Variants in IMPA1 observed in about 807,000 individuals in gnomAD.
IMPA1 encodes D-galactose 1-phosphate phosphatase.
In IMPA1, 21 loss-of-function variants were observed where a neutral mutation model predicts 34.9. The ratio of observed to expected loss-of-function variants is 0.60; its 90% confidence interval spans 0.43 to 0.87. The LOEUF is 0.87. Ranked by LOEUF, IMPA1 falls within the 40% of genes least tolerant of loss-of-function variation. The pLI is 0.00. For synonymous variants in IMPA1, 95 were observed against 104.4 expected (o/e 0.91, Z 0.55); for missense variants, 299 against 336.4 (o/e 0.89, Z 0.87).
chr8:81,678,166 A>G (rs1326057697), intron 4 of IMPA1, among the ~76,000 whole-genome samples: 1 of 151,530 alleles, frequency 6.6e-6, no homozygotes. Flanking sequence ...CCTAACACCC[A>G]TGCAATTTTT....
At position 81,677,488 on chromosome 8, in the gene IMPA1, A is replaced by G. The variant is rs1223022747; in HGVS notation, c.303-1209T>C. Among the ~76,000 whole-genome samples the G allele has an allele frequency of 2.6e-5, 4 of 152,322 alleles. No individual in the cohort carries two copies. The East Asian group carries it at 7.7e-4, about 29-fold the overall frequency. On this transcript the variant is annotated intron_variant, in intron 4 of 8. Transcript: ENST00000256108. ...TGTTACTTGTCTCTACTCCAACAGC[A>G]AACTTTAGGCTTGGCCTCTGAAAAG... is the stretch of plus-strand genomic sequence containing the variant.
At position 81,676,872 on chromosome 8, in the gene IMPA1, A is replaced by G. The variant is rs571907084; in HGVS notation, c.303-593T>C. Among the ~76,000 whole-genome samples, 502 of 152,160 alleles carry G rather than the reference A, an allele frequency of 3.3e-3. 1 individual carries two copies. Among genetic ancestry groups the G allele is most frequent in the Non-Finnish European group, 6.1e-3 (413 of 67,990 alleles). On this transcript the variant is annotated intron_variant, in intron 4 of 8. Coordinates refer to ENST00000256108, the MANE Select transcript of IMPA1 (RefSeq NM_005536.4). ...TCTGAGTGTGGCGGTGCACGCCTAT[A>G]GTCCAAGCTTCCCCGGTAGGCTGAG... is the stretch of plus-strand genomic sequence containing the variant.
chr8:81,665,350 GA>G, intron 7 of IMPA1, among the ~76,000 whole-genome samples: 1 of 152,076 alleles, frequency 6.6e-6, no homozygotes, highest in East Asian at 1.9e-4. Context: ...AAATGGGGGG[GA>G]AATAAAAGAC....
At chr8:81,683,582 C>T (rs1265138335) in intron 1 of IMPA1, among the ~76,000 whole-genome samples, 1 of 151,672 alleles carries the variant, frequency 6.6e-6, no homozygotes. Flanking sequence ...CAGGGAGCAA[C>T]AAAAAAAGAG....
At position 81,685,989 on chromosome 8, in the gene IMPA1, G is replaced by C. The variant is rs1178345460; in HGVS notation, c.-25+263C>G. On this transcript the variant is annotated intron_variant, in intron 1 of 8. Transcript: ENST00000256108. ...CTTTTCGGAGTTGGGGACATAAAAAGGGGCAATTATTCCACAGAAGCCGCC... is the reference window on the plus strand; with the variant it reads ...CTTTTCGGAGTTGGGGACATAAAAACGGGCAATTATTCCACAGAAGCCGCC... 2.1e-6 allele frequency: 3 copies of C among 1,448,348 alleles called. No individual in the cohort carries two copies. The African/African-American group carries it at 4.4e-5, about 21-fold the overall frequency. The allele number at this position is 1,448,348 out of a possible 1,614,324, so 89.7% of individuals were successfully genotyped here.
intron 7 of IMPA1, among the ~76,000 whole-genome samples, chr8:81,669,235 G>T (rs79019827): frequency 6.6e-6 from 1 of 152,186 alleles, no homozygotes; most frequent in East Asian, 1.9e-4. Context: ...CTAGGGTAAT[G>T]CCTAACTAGT....
At chr8:81,660,160 T>TTAAGAAAGTTTACAA (rs1806624301) in intron 8 of IMPA1, among the ~76,000 whole-genome samples, 1 of 152,182 alleles carries the variant, frequency 6.6e-6, no homozygotes, top group Non-Finnish European at 1.5e-5. Context: ...TCATTATGTT[T>TTAAGAAAGTTTACAA]TAAGAAAGTT....
At chr8:81,685,983 TA>T in intron 1 of IMPA1, 2 of 1,455,138 alleles carry the variant, frequency 1.4e-6, no homozygotes, top group Non-Finnish European at 1.8e-6. Context: ...GTTGGGGACA[TA>T]AAAAGGGGCA....
chr8:81,673,098 A>T (rs1049758717), intron 6 of IMPA1, among the ~76,000 whole-genome samples: 1 of 152,202 alleles, frequency 6.6e-6, no homozygotes, highest in African/African-American at 2.4e-5. Context: ...GCCCACAAGG[A>T]AATTCCTTGT....
intron 3 of IMPA1, 49 bp downstream of exon 3, chr8:81,680,601 A>G (rs373208715): frequency 2.6e-5 from 37 of 1,429,534 alleles, no homozygotes; most frequent in Admixed American, 1.1e-4. Context: ...CAGAACCCCA[A>G]GAAATGGTGA....
intron 6 of IMPA1, among the ~76,000 whole-genome samples, chr8:81,672,535 G>A (rs1489336371): frequency 6.6e-6 from 1 of 152,142 alleles, no homozygotes; most frequent in Non-Finnish European, 1.5e-5. Flanking sequence ...AAACAAATGA[G>A]AATTCCTGAG....
In IMPA1 at chr8:81,664,734, G is replaced by A. The variant is rs116659557; in HGVS notation, c.567-4067C>T. Among the ~76,000 whole-genome samples, 475 of 152,062 alleles carry A rather than the reference G, an allele frequency of 3.1e-3. 5 individuals carry two copies. Among genetic ancestry groups the A allele is most frequent in the African/African-American group, 0.011 (453 of 41,456 alleles). ...AGGAACTAAGGGGTGCGGGGACGGGGGAGGGATAGCATTAGGAGATATACC... is the reference window on the plus strand; with the variant it reads ...AGGAACTAAGGGGTGCGGGGACGGGAGAGGGATAGCATTAGGAGATATACC... On this transcript the variant is annotated intron_variant, in intron 7 of 8. Coordinates refer to ENST00000256108, the MANE Select transcript of IMPA1 (RefSeq NM_005536.4).
At chr8:81,667,278 T>C (rs374708512) in intron 7 of IMPA1, among the ~76,000 whole-genome samples, 1 of 152,160 alleles carries the variant, frequency 6.6e-6, no homozygotes, top group Admixed American at 6.5e-5. Context: ...TTTCAGAAAG[T>C]AGAACTGTTA....
intron 6 of IMPA1, among the ~76,000 whole-genome samples, chr8:81,672,487 A>C (rs916590418): frequency 5.9e-5 from 9 of 152,210 alleles, no homozygotes; most frequent in African/African-American, 2.2e-4. Flanking sequence ...CTATAATTCA[A>C]CAGTGTATAG....
At chr8:81,676,422 A>G (rs1200087095) in intron 4 of IMPA1, 143 bp from the exon 5 acceptor site, 5 of 469,976 alleles carry the variant, frequency 1.1e-5, no homozygotes, top group Non-Finnish European at 1.9e-5. Flanking sequence ...CTAAGATGCA[A>G]AACAGTTTGT....
At chr8:81,672,604 C>G (rs1317041674) in intron 6 of IMPA1, among the ~76,000 whole-genome samples, 1 of 152,214 alleles carries the variant, frequency 6.6e-6, no homozygotes. Flanking sequence ...AAAACCTGAG[C>G]CTCTGCTAAG....
intron 4 of IMPA1, among the ~76,000 whole-genome samples, chr8:81,677,256 C>T (rs576320726): frequency 3.3e-5 from 5 of 152,084 alleles, no homozygotes; most frequent in African/African-American, 1.2e-4. Flanking sequence ...CCACCATACC[C>T]GGCTAATTTT....
At chr8:81,663,816 A>C (rs1404385723) in intron 7 of IMPA1, among the ~76,000 whole-genome samples, 8 of 152,106 alleles carry the variant, frequency 5.3e-5, no homozygotes, top group Admixed American at 5.2e-4. Flanking sequence ...AAGGCAGGTG[A>C]ATCACGAGGT....
chr8:81,684,853 A>G (rs992324165), intron 1 of IMPA1, among the ~76,000 whole-genome samples: 1 of 138,652 alleles, frequency 7.2e-6, no homozygotes, highest in Non-Finnish European at 1.5e-5. Context: ...TAGTATATAT[A>G]CTATACATAA....
Sources: gnomAD v4.1 joint callset for allele counts (sites outside exome capture counted in the v4.1 genomes callset) on GRCh38, gnomAD v4.1.1 for gene constraint, MANE v1.5 for transcripts, NCBI Gene and HGNC (gene_info 2026-07-23, HGNC 2026-07-21) for gene names.